PRIMA1: variants seen among roughly 807,000 people sequenced by gnomAD.
PRIMA1 encodes the protein proline rich membrane anchor 1.
A neutral mutation model predicts 17.5 loss-of-function variants in PRIMA1; 7 were observed. The ratio of observed to expected loss-of-function variants is 0.40; its 90% CI spans 0.23 to 0.75. PRIMA1 has a LOEUF of 0.75. PRIMA1 is among the 30% of genes least tolerant of loss of function. PRIMA1 has a pLI of 0.37. For missense variants in PRIMA1, 200 were observed against 201.8 expected (o/e 0.99, Z 0.05); for synonymous variants, 97 against 77.9 (o/e 1.25, Z -1.29).
chr14:93,764,362 G>A (rs1463463708), intron 3 of PRIMA1, among the ~76,000 whole-genome samples: 5 of 145,670 alleles, frequency 3.4e-5, no homozygotes, highest in Admixed American at 7.2e-5. Flanking sequence ...TGCCCTGGTC[G>A]GACACCTCTC....
Position 93,726,627 on chromosome 14 carries a change from CAT to C in PRIMA1, c.360-5083_360-5082del, listed in dbSNP as rs1398926591. Among the ~76,000 whole-genome samples, 2 of 152,038 alleles carry C rather than the reference CAT, an allele frequency of 1.3e-5. No individual in the cohort carries two copies. Among genetic ancestry groups the C allele is most frequent in the Non-Finnish European group, 1.5e-5 (1 of 67,996 alleles). On this transcript the variant is annotated intron_variant, in intron 4 of 4. Transcript: ENST00000393140. The surrounding 1 kb of genome is among the most constrained non-coding windows in gnomAD (Gnocchi z 4.2). ...CACATATATAATATACACATAGACA[CAT>C]GTACACATGCACAAATCCACACACA... is the stretch of plus-strand genomic sequence containing the variant.
upstream of PRIMA1, among the ~76,000 whole-genome samples, chr14:93,788,882 G>C (rs931509125): frequency 6.6e-6 from 1 of 151,886 alleles, no homozygotes; most frequent in South Asian, 2.1e-4. Flanking sequence ...CGCCTTTCCT[G>C]GTGGCGCCGC....
intron 3 of PRIMA1, among the ~76,000 whole-genome samples, chr14:93,764,971 T>C (rs1303785305): frequency 6.6e-6 from 1 of 152,186 alleles, no homozygotes; most frequent in Non-Finnish European, 1.5e-5. Flanking sequence ...CAGGCATGTA[T>C]GCACCATTTC....
At chr14:93,779,747 C>A (rs1885325999) in intron 2 of PRIMA1, among the ~76,000 whole-genome samples, 1 of 152,208 alleles carries the variant, frequency 6.6e-6, no homozygotes, top group African/African-American at 2.4e-5. Context: ...CAGCCCAAGG[C>A]CAAGCCCTGG....
chr14:93,777,107 T>C (rs536491524), intron 3 of PRIMA1, among the ~76,000 whole-genome samples: 17 of 152,194 alleles, frequency 1.1e-4, no homozygotes, highest in Non-Finnish European at 2.1e-4. Context: ...TATGCGTGAA[T>C]GTAGATCATT....
intron 3 of PRIMA1, among the ~76,000 whole-genome samples, chr14:93,749,742 C>T (rs1014150421): frequency 1.3e-5 from 2 of 152,190 alleles, no homozygotes; most frequent in African/African-American, 4.8e-5. Context: ...CATGGGGGCA[C>T]TTAATTAACA....
rs1456734396 is a variant in PRIMA1 at position 93,720,132 on chromosome 14, A to T, written c.*1312T>A. ...AATGCATTGGGCTCCTTCTGAGCAC[A>T]TATGTAGGGGTGGTGGGGAGAGCCA... On this transcript the variant is annotated 3_prime_UTR_variant, in exon 5 of 5. Transcript: ENST00000393140. 6.6e-6 allele frequency: 1 copy of T among 152,264 alleles called. No individual in the cohort carries two copies. Among genetic ancestry groups the T allele is most frequent in the Non-Finnish European group, 1.5e-5 (1 of 68,054 alleles). 9.4% of individuals were successfully genotyped at this position (152,264 alleles called of 1,614,324 possible).
intron 2 of PRIMA1, among the ~76,000 whole-genome samples, chr14:93,786,850 A>G (rs1013997731): frequency 6.6e-6 from 1 of 152,230 alleles, no homozygotes; most frequent in Non-Finnish European, 1.5e-5. Context: ...CATTTATCTC[A>G]TCAAGTACTT....
In PRIMA1 at chr14:93,721,278, C is replaced by G. The variant is rs762882344; in HGVS notation, c.*166G>C. On this transcript the variant is annotated 3_prime_UTR_variant, in exon 5 of 5. Coordinates refer to ENST00000393140, the MANE Select transcript of PRIMA1 (RefSeq NM_178013.4). ...GAGCTGCCTGGGCCCGCAGGCTGAC[C>G]AGGGGCAAGCCTGGGAAGACAATGG... 1.9e-5 allele frequency: 11 copies of G among 584,602 alleles called. No homozygotes were observed. Among genetic ancestry groups the G allele is most frequent in the Admixed American group, 3.2e-5 (1 of 31,380 alleles). 36.2% of individuals were successfully genotyped at this position (584,602 alleles called of 1,614,324 possible).
intron 3 of PRIMA1, among the ~76,000 whole-genome samples, chr14:93,761,644 T>C (rs956689089): frequency 6.6e-6 from 1 of 152,152 alleles, no homozygotes; most frequent in African/African-American, 2.4e-5. Context: ...GCATGCCTTC[T>C]CTATGGAAGG....
intron 4 of PRIMA1, among the ~76,000 whole-genome samples, chr14:93,728,980 C>T (rs925117829): frequency 1.3e-5 from 2 of 152,194 alleles, no homozygotes; most frequent in African/African-American, 4.8e-5. Context: ...ACCTCGTGCC[C>T]CTGCCCCTTG....
intron 3 of PRIMA1, among the ~76,000 whole-genome samples, chr14:93,774,998 G>A (rs562719969): frequency 1.3e-5 from 2 of 152,320 alleles, no homozygotes; most frequent in East Asian, 1.9e-4. Context: ...TCATGGAATC[G>A]GCCTCTTATG....
intron 3 of PRIMA1, among the ~76,000 whole-genome samples, chr14:93,751,736 G>A (rs966121238): frequency 1.3e-4 from 20 of 152,188 alleles, no homozygotes; most frequent in Admixed American, 1.2e-3. Context: ...AATCACTGCT[G>A]CTCAGTTGGT....
At chr14:93,767,994 G>A (rs991533945) in intron 3 of PRIMA1, among the ~76,000 whole-genome samples, 1 of 152,086 alleles carries the variant, frequency 6.6e-6, no homozygotes, top group Admixed American at 6.5e-5. Context: ...CGGTGGTGAT[G>A]GTTGCAAACA....
At chr14:93,767,129 G>C (rs1180791761) in intron 3 of PRIMA1, among the ~76,000 whole-genome samples, 1 of 152,220 alleles carries the variant, frequency 6.6e-6, no homozygotes, top group Non-Finnish European at 1.5e-5. Flanking sequence ...AGAGAGGAAG[G>C]CCTTGAAGGG....
intron 3 of PRIMA1, among the ~76,000 whole-genome samples, chr14:93,763,838 C>A (rs1324816178): frequency 6.6e-6 from 1 of 152,094 alleles, no homozygotes; most frequent in African/African-American, 2.4e-5. Flanking sequence ...GCTTTGGAGC[C>A]ATAGCACTGG....
intron 3 of PRIMA1, among the ~76,000 whole-genome samples, chr14:93,750,756 C>T (rs1308578361): frequency 1.3e-5 from 2 of 152,136 alleles, no homozygotes; most frequent in Non-Finnish European, 2.9e-5. Context: ...TGAAATTATA[C>T]CACAAATTTG....
At chr14:93,767,638 C>G (rs895851245) in intron 3 of PRIMA1, among the ~76,000 whole-genome samples, 4 of 152,170 alleles carry the variant, frequency 2.6e-5, no homozygotes, top group African/African-American at 9.6e-5. Context: ...GCCCTTGAGC[C>G]CAAAGGTGGA....
chr14:93,734,356 C>T (rs1043990274), intron 4 of PRIMA1, among the ~76,000 whole-genome samples: 3 of 152,210 alleles, frequency 2.0e-5, no homozygotes, highest in Non-Finnish European at 4.4e-5. Flanking sequence ...CCACGGGAAA[C>T]CTAAGCATGG....
Sources: allele counts gnomAD v4.1 joint callset (sites outside exome capture counted in the v4.1 genomes callset), GRCh38; gene constraint gnomAD v4.1.1; non-coding constraint Gnocchi (gnomAD v3.1); transcripts MANE v1.5; gene names NCBI Gene and HGNC (gene_info 2026-07-23, HGNC 2026-07-21).